RAP1GAP2: variants seen among roughly 807,000 people sequenced by gnomAD.
The protein encoded by RAP1GAP2 is rap1 GTPase-activating protein 2.
Under a neutral mutation model 95.0 loss-of-function variants are expected in RAP1GAP2, and 27 were observed. The ratio of observed to expected loss-of-function variants is 0.28; its 90% confidence interval spans 0.21 to 0.39. The LOEUF is 0.39. RAP1GAP2 is among the 10% of genes least tolerant of loss of function. The pLI is 1.00. For synonymous variants in RAP1GAP2, 373 were observed against 380.9 expected (o/e 0.98, Z 0.24); for missense variants, 771 against 970.0 (o/e 0.79, Z 2.72).
rs549865735 is a variant in RAP1GAP2 at position 2,867,637 on chromosome 17, T to C, written c.81-37647T>C. 1.3e-5 allele frequency among the ~76,000 whole-genome samples: 2 copies of C among 152,158 alleles called. No homozygotes were observed. The highest frequency in any genetic ancestry group is 6.5e-5 in the Admixed American group (1 of 15,280). The stretch of plus-strand genomic sequence containing the variant: ...ACACTGATTCATGAAGTCTAGGTCT[T>C]ACGCCCACCGCTGGTTCCCGGGATG... On this transcript the variant is annotated intron_variant, in intron 2 of 24. Coordinates refer to ENST00000254695, the MANE Select transcript of RAP1GAP2 (RefSeq NM_015085.5). The surrounding 1 kb of genome is among the most constrained non-coding windows in gnomAD (Gnocchi z 4.5).
In RAP1GAP2 at chr17:2,796,521, C is replaced by T; in HGVS notation, c.-7C>T. ...TCGCTGGGACCCCGGGCTCTGCAGC[C>T]ACAACCATGTTTGGCCGGAAGCGCA... On this transcript the variant is annotated 5_prime_UTR_variant, in exon 1 of 25. Transcript: ENST00000254695. The surrounding 1 kb of genome is among the most constrained non-coding windows in gnomAD (Gnocchi z 4.7). 1 of 1,560,044 alleles carries T rather than the reference C, an allele frequency of 6.4e-7. No individual in the cohort carries two copies. The highest frequency in any genetic ancestry group is 8.7e-7 in the Non-Finnish European group (1 of 1,151,912).
chr17:2,810,522 CTTTTTTTTTTTTTTTT>C (rs1169922962), intron 2 of RAP1GAP2, among the ~76,000 whole-genome samples: 2 of 69,434 alleles, frequency 2.9e-5, no homozygotes, highest in Non-Finnish European at 5.4e-5. Flanking sequence ...TCCCCCCACC[CTTTTTTTTTTTTTTTT>C]TTTTTTTTTT....
At chr17:2,768,011 C>T (rs909078315) in intron 1 of RAP1GAP2, among the ~76,000 whole-genome samples, 16 of 152,178 alleles carry the variant, frequency 1.1e-4, no homozygotes, top group African/African-American at 3.4e-4. Context: ...GGATTACAGG[C>T]GTGAGCCACC....
intron 3 of RAP1GAP2, among the ~76,000 whole-genome samples, chr17:2,917,836 T>C (rs141762991): frequency 0.025 from 3,859 of 151,892 alleles, 161 homozygotes; most frequent in African/African-American, 0.088. Context: ...CTGCCTCAGC[T>C]TCCCAAGTAG....
chr17:2,999,196 C>T (rs1315146840), intron 14 of RAP1GAP2, among the ~76,000 whole-genome samples: 1 of 152,188 alleles, frequency 6.6e-6, no homozygotes, highest in Non-Finnish European at 1.5e-5. Context: ...CCCCACTCCT[C>T]ATGGCTGGAT....
In RAP1GAP2 at chr17:2,846,723, G is replaced by C. The variant is rs545258901; in HGVS notation, c.80+46173G>C. Among the ~76,000 whole-genome samples, 122 of 152,328 alleles carry C rather than the reference G, an allele frequency of 8.0e-4. 1 individual carries two copies. The highest frequency in any genetic ancestry group is 2.7e-3 in the Admixed American group (41 of 15,300). On this transcript the variant is annotated intron_variant, in intron 2 of 24. Transcript: ENST00000254695. ...ACAGATGAAGACACTGAGGCACAGA[G>C]GGGGTGAATTCCTAGTCCAAGGCCG...
At chr17:2,800,333 A>G in intron 1 of RAP1GAP2, 182 bp from the exon 2 acceptor site, 2 of 787,224 alleles carry the variant, frequency 2.5e-6, no homozygotes, top group Non-Finnish European at 1.5e-6. Flanking sequence ...GTGTGGCCCC[A>G]GCTCTCCCAG....
chr17:2,981,150 T>G (rs1212826438), intron 9 of RAP1GAP2, 45 bp from the exon 10 acceptor site: 3 of 1,581,334 alleles, frequency 1.9e-6, no homozygotes, highest in Non-Finnish European at 2.6e-6. Context: ...CCAGATGTCC[T>G]CTACAGATAT....
chr17:2,946,282 C>T (rs1017813909), intron 3 of RAP1GAP2, among the ~76,000 whole-genome samples: 1 of 152,146 alleles, frequency 6.6e-6, no homozygotes, highest in Non-Finnish European at 1.5e-5. Context: ...ACGCTGGCCT[C>T]ATAGGATGAG....
intron 3 of RAP1GAP2, among the ~76,000 whole-genome samples, chr17:2,925,834 G>A (rs961879988): frequency 3.9e-5 from 6 of 152,106 alleles, no homozygotes; most frequent in African/African-American, 9.7e-5. Flanking sequence ...GCGTGGGTCC[G>A]GGCCGGGTTA....
chr17:2,775,901 G>A (rs889339333), upstream of RAP1GAP2, among the ~76,000 whole-genome samples: 5 of 152,180 alleles, frequency 3.3e-5, no homozygotes, highest in African/African-American at 9.7e-5. Flanking sequence ...GTTCCAGGCC[G>A]AGCGCGGTGG....
intron 9 of RAP1GAP2, 84 bp from the exon 10 acceptor site, chr17:2,981,111 T>C (rs1374702972): frequency 1.5e-6 from 2 of 1,317,040 alleles, no homozygotes; most frequent in Non-Finnish European, 2.1e-6. Flanking sequence ...CGCCCTCCCA[T>C]GCCGCATTGT....
At chr17:2,788,290 G>A (rs1044055740) in intron 1 of RAP1GAP2, among the ~76,000 whole-genome samples, 2 of 151,928 alleles carry the variant, frequency 1.3e-5, no homozygotes, top group Non-Finnish European at 2.9e-5. Context: ...GCAATTTTGT[G>A]GGGTTTTTTT....
At chr17:3,025,802 C>G (rs2047090408) in intron 19 of RAP1GAP2, among the ~76,000 whole-genome samples, 1 of 152,166 alleles carries the variant, frequency 6.6e-6, no homozygotes, top group African/African-American at 2.4e-5. Context: ...AGAATAGTCC[C>G]TGTTGTAGGG....
chr17:2,965,610 C>A lies in RAP1GAP2; in HGVS notation c.563C>A (p.Ala188Glu), dbSNP rs1222192261. ...ATCCTGTCCGTCAAGTGCGAGGAAGCAGAGGGGATCGAGTACCTCCGGGTC... is the reference window on the plus strand; with the variant it reads ...ATCCTGTCCGTCAAGTGCGAGGAAGAAGAGGGGATCGAGTACCTCCGGGTC... Reference protein sequence around the residue: ...NLILSVKCEEAEGIEYLRVIL... With the variant: ...NLILSVKCEEEEGIEYLRVIL... Residue 188 changes from alanine to glutamate, a missense_variant, in exon 8 of 25, where the codon GCA becomes GAA. Transcript: ENST00000254695. This position sits in a 1 kb window ranked among gnomAD's most constrained non-coding sequence, Gnocchi z 4.7. The A allele has an allele frequency of 1.2e-6, 2 of 1,612,088 alleles. No homozygotes were observed. Among genetic ancestry groups the A allele is most frequent in the East Asian group, 4.5e-5 (2 of 44,856 alleles).
chr17:2,822,735 T>A (rs2070365582), intron 2 of RAP1GAP2, among the ~76,000 whole-genome samples: 1 of 152,012 alleles, frequency 6.6e-6, no homozygotes, highest in Non-Finnish European at 1.5e-5. Flanking sequence ...CTTTAAGTTT[T>A]AGCGTACATG....
At chr17:2,890,170 G>A (rs1384157976) in intron 2 of RAP1GAP2, among the ~76,000 whole-genome samples, 2 of 151,886 alleles carry the variant, frequency 1.3e-5, no homozygotes, top group African/African-American at 4.8e-5. Context: ...AATGTACCAC[G>A]GTCACAAGCA....
At chr17:2,771,486 G>GTTTTTTTTTTTT (rs566884358) in intron 2 of RAP1GAP2, among the ~76,000 whole-genome samples, 1 of 123,476 alleles carries the variant, frequency 8.1e-6, no homozygotes, top group African/African-American at 3.3e-5. Flanking sequence ...CCACTTTTTT[G>GTTTTTTTTTTTT]TTTTTTTTTT....
At chr17:2,771,085 AC>A (rs2068382347) in intron 2 of RAP1GAP2, among the ~76,000 whole-genome samples, 2 of 150,378 alleles carry the variant, frequency 1.3e-5, no homozygotes, top group South Asian at 4.2e-4. Context: ...ACAACATAAA[AC>A]AAACAAAAAA....
Sources: gnomAD v4.1 joint callset for allele counts (sites outside exome capture counted in the v4.1 genomes callset) on GRCh38, gnomAD v4.1.1 for gene constraint, Gnocchi (gnomAD v3.1) non-coding constraint, MANE v1.5 for transcripts, NCBI Gene and HGNC (gene_info 2026-07-23, HGNC 2026-07-21) for gene names.